Variants in METTL25 observed in about 807,000 individuals in gnomAD.
The protein encoded by METTL25 is probable methyltransferase-like protein 25.
A neutral mutation model predicts 71.6 loss-of-function variants in METTL25; 64 were observed. That is an observed-to-expected ratio of 0.89 (90% CI 0.73 to 1.10). The LOEUF (loss-of-function observed/expected upper bound fraction) is 1.10, where lower values mean the gene tolerates loss of function less well. Ranked by LOEUF, METTL25 falls within the 50% of genes least tolerant of loss-of-function variation. The pLI, the probability that METTL25 is intolerant of heterozygous loss-of-function variation, is 0.00. For synonymous variants in METTL25, 287 were observed against 250.3 expected (o/e 1.15, Z -1.38); for missense variants, 807 against 707.0 (o/e 1.14, Z -1.60).
chr12:82,448,868 AAAT>A (rs1019303863), intron 8 of METTL25, among the ~76,000 whole-genome samples: 8 of 152,288 alleles, frequency 5.3e-5, no homozygotes, highest in African/African-American at 9.6e-5. Context: ...AAAAGGCACA[AAAT>A]AATAATAATG....
intron 5 of METTL25, among the ~76,000 whole-genome samples, chr12:82,422,953 T>C (rs1300794408): frequency 2.0e-5 from 3 of 152,074 alleles, no homozygotes; most frequent in Non-Finnish European, 4.4e-5. Flanking sequence ...ATCAATATTG[T>C]GAAAATGGCC....
intron 8 of METTL25, among the ~76,000 whole-genome samples, chr12:82,451,139 G>A (rs1891120304): frequency 6.6e-6 from 1 of 152,128 alleles, no homozygotes; most frequent in Non-Finnish European, 1.5e-5. Context: ...TGATTATTCT[G>A]TAACTGTTCT....
intron 4 of METTL25, among the ~76,000 whole-genome samples, chr12:82,401,377 A>G (rs1401741419): frequency 6.6e-6 from 1 of 152,096 alleles, no homozygotes; most frequent in African/African-American, 2.4e-5. Context: ...AAAAATGGAC[A>G]ATGTTTTCTG....
rs775492790 is a variant in METTL25 at position 82,398,932 on chromosome 12, T to C, written c.669T>C (p.His223=). The C allele has an allele frequency of 1.2e-6, 2 of 1,612,526 alleles. No homozygotes were observed. The highest frequency in any genetic ancestry group is 1.1e-5 in the South Asian group (1 of 90,934). The change falls in exon 4 of 12, where the codon CAT becomes CAC. Residue 223 remains histidine (H), a synonymous_variant. Coordinates refer to ENST00000248306, the MANE Select transcript of METTL25 (RefSeq NM_032230.3). ...AEERNRKLKK[H]WKLCHAQSRL... is the part of the protein sequence containing the mutation. ...AGAGAAACAGAAAATTGAAGAAACA[T>C]TGGAAACTCTGTCATGCTCAGTCAA...
chr12:82,373,800 C>T (rs536497897), intron 1 of METTL25, among the ~76,000 whole-genome samples: 17 of 152,274 alleles, frequency 1.1e-4, no homozygotes, highest in African/African-American at 3.8e-4. Context: ...CTCCAAAGAG[C>T]CAGGGGTTGT....
intron 1 of METTL25, among the ~76,000 whole-genome samples, chr12:82,380,402 C>A (rs992831562): frequency 4.1e-5 from 6 of 144,626 alleles, no homozygotes; most frequent in African/African-American, 1.5e-4. Context: ...GCACATGCAT[C>A]CCGACCTTAA....
intron 9 of METTL25, among the ~76,000 whole-genome samples, chr12:82,462,523 T>C (rs1196635544): frequency 2.0e-5 from 3 of 152,194 alleles, no homozygotes; most frequent in East Asian, 3.8e-4. Flanking sequence ...AATATACATG[T>C]CTATAACATG....
chr12:82,395,326 A>G (rs1830883092), intron 3 of METTL25, among the ~76,000 whole-genome samples: 1 of 152,074 alleles, frequency 6.6e-6, no homozygotes, highest in South Asian at 2.1e-4. Context: ...AAGAGTAGTG[A>G]TATATGATCA....
intron 8 of METTL25, among the ~76,000 whole-genome samples, chr12:82,454,560 A>G (rs1209014251): frequency 6.6e-6 from 1 of 152,050 alleles, no homozygotes; most frequent in African/African-American, 2.4e-5. Flanking sequence ...TTATATAGCA[A>G]ATCACTGCTT....
intron 1 of METTL25, among the ~76,000 whole-genome samples, chr12:82,367,026 T>C (rs951304035): frequency 6.6e-6 from 1 of 152,184 alleles, no homozygotes; most frequent in Non-Finnish European, 1.5e-5. Context: ...ATATAGAAAG[T>C]GTCTTCAGAT....
intron 1 of METTL25, among the ~76,000 whole-genome samples, chr12:82,360,608 T>C (rs927367540): frequency 1.3e-5 from 2 of 152,010 alleles, no homozygotes; most frequent in African/African-American, 4.8e-5. Flanking sequence ...AACCGAGCCA[T>C]GAAGATCTCT....
Position 82,358,836 on chromosome 12 carries a change from G to C in METTL25, c.259+12G>C. ...AGAGTGGGAAGCAGGTGGGTGGTGG[G>C]GTAGGCGGGGCGGGAAGGGAGGCGG... On this transcript the variant is annotated intron_variant, in intron 1 of 11. Coordinates refer to ENST00000248306, the MANE Select transcript of METTL25 (RefSeq NM_032230.3). The C allele has an allele frequency of 1.2e-6, 2 of 1,601,598 alleles. No homozygotes were observed. Among genetic ancestry groups the C allele is most frequent in the South Asian group, 2.2e-5 (2 of 90,234 alleles).
At position 82,358,750 on chromosome 12, in the gene METTL25, T is replaced by A. The variant is rs1257141829; in HGVS notation, c.185T>A (p.Leu62Gln). ...DLPPETVLAA[L>Q]RKSASETEAL... ...CCACCGGAGACAGTGCTGGCTGCGC[T>A]GAGGAAGTCAGCGTCGGAGACGGAG... The change falls in exon 1 of 12, where the codon CTG (leucine) becomes CAG (glutamine). Residue 62 changes from leucine (L) to glutamine (Q), a missense_variant. Coordinates refer to ENST00000248306, the MANE Select transcript of METTL25 (RefSeq NM_032230.3). The A allele has an allele frequency of 1.2e-6, 2 of 1,613,408 alleles. No individual in the cohort carries two copies. The highest frequency in any genetic ancestry group is 2.2e-5 in the South Asian group (2 of 91,014).
chr12:82,391,953 A>C (rs117969158), intron 3 of METTL25, among the ~76,000 whole-genome samples: 3,524 of 151,432 alleles, frequency 0.023, 63 homozygotes, highest in Non-Finnish European at 0.034. Flanking sequence ...ATCTCATTAT[A>C]GTTTTTATTT....
chr12:82,456,535 G>T (rs1007103256), intron 8 of METTL25, among the ~76,000 whole-genome samples, 192 bp from the exon 9 acceptor site: 2 of 151,894 alleles, frequency 1.3e-5, no homozygotes, highest in African/African-American at 4.8e-5. Context: ...TATAAGAATT[G>T]TCAGAAGCAG....
intron 8 of METTL25, among the ~76,000 whole-genome samples, chr12:82,441,074 A>G (rs1051591174): frequency 6.6e-6 from 1 of 152,044 alleles, no homozygotes; most frequent in Admixed American, 6.6e-5. Context: ...GAGCAAGCCA[A>G]GTAAACCACT....
At position 82,403,115 on chromosome 12, in the gene METTL25, G is replaced by T; in HGVS notation, c.1264G>T (p.Glu422Ter). 6.2e-7 allele frequency: 1 copy of T among 1,611,620 alleles called. No homozygotes were observed. Among genetic ancestry groups the T allele is most frequent in the Non-Finnish European group, 8.5e-7 (1 of 1,178,976 alleles). The change falls in exon 5 of 12, where the codon GAA (glutamate) becomes TAA (stop). Residue 422 changes from glutamate (E) to a stop codon, truncating the protein, a stop_gained. Transcript: ENST00000248306. LOFTEE classifies it high-confidence loss of function. ...CTACCACCTCTTATCTGAAGAATTT[G>T]AAAACCAGCATAAAGGTACAAGTTC... is the stretch of plus-strand genomic sequence containing the variant. ...CCYHLLSEEF[E>*]NQHKERTQEK...
At chr12:82,377,846 T>G (rs1267846299) in intron 1 of METTL25, among the ~76,000 whole-genome samples, 1 of 152,206 alleles carries the variant, frequency 6.6e-6, no homozygotes, top group Non-Finnish European at 1.5e-5. Context: ...AAAAAAGGCT[T>G]AAGTATGCAC....
At chr12:82,361,522 G>A (rs1281309687) in intron 1 of METTL25, among the ~76,000 whole-genome samples, 2 of 152,184 alleles carry the variant, frequency 1.3e-5, no homozygotes, top group Non-Finnish European at 2.9e-5. Flanking sequence ...GGGGGGAGGG[G>A]GACTCAGGCA....
Sources: allele counts gnomAD v4.1 joint callset (sites outside exome capture counted in the v4.1 genomes callset), GRCh38; gene constraint gnomAD v4.1.1; transcripts MANE v1.5; gene names NCBI Gene and HGNC (gene_info 2026-07-23, HGNC 2026-07-21).